Variants in ACYP2 observed in about 807,000 individuals in gnomAD.
The protein encoded by ACYP2 is acylphosphatase-2.
A neutral mutation model predicts 11.2 loss-of-function variants in ACYP2; 12 were observed. The ratio of observed to expected loss-of-function variants is 1.08; its 90% confidence interval spans 0.69 to 1.74. The LOEUF is 1.74. Ranked by LOEUF, ACYP2 falls within the 40% of genes most tolerant of loss-of-function variation. The probability of loss-of-function intolerance (pLI) is 0.00; values close to 1 mark genes in which losing one functional copy is unlikely to be tolerated. For missense variants in ACYP2, 134 were observed against 101.9 expected (o/e 1.31, Z -1.35); for synonymous variants, 43 against 32.2 (o/e 1.33, Z -1.13).
intron 2 of ACYP2, among the ~76,000 whole-genome samples, chr2:53,977,401 A>C (rs1399360215): frequency 6.6e-6 from 1 of 151,702 alleles, no homozygotes; most frequent in Non-Finnish European, 1.5e-5. Context: ...TTTACTTCCA[A>C]CTCCCTTAGG....
chr2:54,156,869 T>C (rs1400236737), intron 6 of ACYP2, among the ~76,000 whole-genome samples: 9 of 152,198 alleles, frequency 5.9e-5, no homozygotes. Flanking sequence ...GGTTTCACCA[T>C]GTTGGCTAGG....
chr2:54,137,058 G>A (rs1357642751), intron 5 of ACYP2, among the ~76,000 whole-genome samples: 2 of 152,068 alleles, frequency 1.3e-5, no homozygotes, highest in Non-Finnish European at 2.9e-5. Flanking sequence ...AAATCAAAAT[G>A]TTGCTACTTA....
At chr2:54,055,436 A>T (rs553852597) in intron 3 of ACYP2, among the ~76,000 whole-genome samples, 1 of 152,242 alleles carries the variant, frequency 6.6e-6, no homozygotes, top group African/African-American at 2.4e-5. Flanking sequence ...TGTGATAATA[A>T]TGTAAACAAT....
intron 6 of ACYP2, among the ~76,000 whole-genome samples, chr2:54,226,376 T>A (rs1395138641): frequency 6.6e-6 from 1 of 152,250 alleles, no homozygotes; most frequent in African/African-American, 2.4e-5. Context: ...AATCCATTGT[T>A]ATTACTGGCT....
rs189080835 is a variant in ACYP2 at position 53,991,176 on chromosome 2, G to T, written c.62+17366G>T. Among the ~76,000 whole-genome samples the T allele has an allele frequency of 2.4e-3, 369 of 152,282 alleles. 1 individual carries two copies. Among genetic ancestry groups the T allele is most frequent in the African/African-American group, 8.5e-3 (353 of 41,572 alleles). ...GGTATGCTGCTGGTCATCATCAGAT[G>T]TTGTGATTTTATAATTTTCTCTCAA... is the stretch of plus-strand genomic sequence containing the variant. On this transcript the variant is annotated intron_variant, in intron 2 of 6. Transcript: ENST00000607452.
At chr2:54,254,918 G>C (rs1223274607) in intron 6 of ACYP2, 10 of 1,607,804 alleles carry the variant, frequency 6.2e-6, no homozygotes, top group East Asian at 2.2e-5. Context: ...AAAGGCAAAG[G>C]TTAACCACAC....
At chr2:54,020,944 C>T (rs940910124) in intron 2 of ACYP2, among the ~76,000 whole-genome samples, 3 of 152,102 alleles carry the variant, frequency 2.0e-5, no homozygotes, top group Admixed American at 6.6e-5. Context: ...AGCACTGGAA[C>T]ATAAATTTAA....
intron 4 of ACYP2, among the ~76,000 whole-genome samples, chr2:54,074,969 T>A (rs1677252412): frequency 6.6e-6 from 1 of 152,220 alleles, no homozygotes; most frequent in South Asian, 2.1e-4. Context: ...CTTGATCATG[T>A]ATCTGGGCAC....
At chr2:54,175,902 A>G (rs1473852149) in intron 6 of ACYP2, among the ~76,000 whole-genome samples, 1 of 152,116 alleles carries the variant, frequency 6.6e-6, no homozygotes, top group Non-Finnish European at 1.5e-5. Context: ...CTTTTGGTAG[A>G]TGATCAGATC....
At chr2:54,001,070 C>A (rs933940351) in intron 2 of ACYP2, among the ~76,000 whole-genome samples, 1 of 152,128 alleles carries the variant, frequency 6.6e-6, no homozygotes. Context: ...ATTTTGATTC[C>A]TTGGCTTAGT....
At chr2:53,997,523 C>G (rs1466021196) in intron 2 of ACYP2, among the ~76,000 whole-genome samples, 1 of 148,710 alleles carries the variant, frequency 6.7e-6, no homozygotes, top group Non-Finnish European at 1.5e-5. Context: ...TCAGGCTGAT[C>G]TCGAACTCCT....
At chr2:54,201,246 T>G (rs986005797) in intron 6 of ACYP2, among the ~76,000 whole-genome samples, 3 of 151,852 alleles carry the variant, frequency 2.0e-5, no homozygotes, top group Non-Finnish European at 4.4e-5. Context: ...GCAGGGACCA[T>G]AGGCGCCCGC....
intron 2 of ACYP2, among the ~76,000 whole-genome samples, chr2:53,982,634 T>G (rs1481129107): frequency 6.6e-6 from 1 of 152,210 alleles, no homozygotes; most frequent in Admixed American, 6.5e-5. Context: ...TTATCAATTT[T>G]GAAAGGTGCG....
At chr2:54,159,814 C>G (rs943205791) in intron 6 of ACYP2, among the ~76,000 whole-genome samples, 2 of 152,124 alleles carry the variant, frequency 1.3e-5, no homozygotes, top group African/African-American at 4.8e-5. Flanking sequence ...CTATTCATCT[C>G]GCAGGCTTTT....
At chr2:54,057,127 C>T (rs1676194142) in intron 3 of ACYP2, 1 of 391,408 alleles carries the variant, frequency 2.6e-6, no homozygotes, top group African/African-American at 2.1e-5. Flanking sequence ...TGACTTGAAC[C>T]ATAAATTAGA....
intron 6 of ACYP2, among the ~76,000 whole-genome samples, chr2:54,202,665 C>A (rs938867039): frequency 2.1e-5 from 3 of 144,638 alleles, no homozygotes; most frequent in African/African-American, 7.7e-5. Context: ...GCCTCAGTCT[C>A]CCAAAGTGCT....
intron 6 of ACYP2, among the ~76,000 whole-genome samples, chr2:54,154,028 A>C (rs942156153): frequency 6.7e-6 from 1 of 150,248 alleles, no homozygotes; most frequent in African/African-American, 2.4e-5. Context: ...CTTTCATCTC[A>C]TTGGTTAAAC....
intron 4 of ACYP2, among the ~76,000 whole-genome samples, chr2:54,059,630 G>T (rs1676361267): frequency 6.6e-6 from 1 of 152,174 alleles, no homozygotes; most frequent in Admixed American, 6.5e-5. Flanking sequence ...TCCTGATCCT[G>T]TCTGGACTGG....
chr2:54,271,048 G>A (rs1167581189), intron 6 of ACYP2, among the ~76,000 whole-genome samples: 1 of 152,194 alleles, frequency 6.6e-6, no homozygotes, highest in African/African-American at 2.4e-5. Flanking sequence ...AGAGACTGAG[G>A]CAAGATGCTT....
Sources: allele counts gnomAD v4.1 joint callset (sites outside exome capture counted in the v4.1 genomes callset), GRCh38; gene constraint gnomAD v4.1.1; transcripts MANE v1.5; gene names NCBI Gene and HGNC (gene_info 2026-07-23, HGNC 2026-07-21).